Variants in DENND1A observed in about 807,000 individuals in gnomAD.
The protein encoded by DENND1A is DENN domain containing 1A.
DENND1A carries 51 observed loss-of-function variants against 113.7 expected under a neutral mutation model. That is an observed-to-expected ratio of 0.45 (90% CI 0.36 to 0.57). DENND1A has a LOEUF of 0.57. DENND1A is among the 20% of genes least tolerant of loss of function. DENND1A has a pLI of 0.00. For missense variants in DENND1A, 1,258 were observed against 1,395.9 expected (o/e 0.90, Z 1.57); for synonymous variants, 565 against 570.8 (o/e 0.99, Z 0.14).
In DENND1A at chr9:123,422,645, T is replaced by G. The variant is rs1256062682; in HGVS notation, c.1489-10816A>C. ...CAGCAGAGTTTAAAATCCTAGCTAATAGGTTAACAACTGTTTTTCTTCAGC... is the reference window on the plus strand; with the variant it reads ...CAGCAGAGTTTAAAATCCTAGCTAAGAGGTTAACAACTGTTTTTCTTCAGC... On this transcript the variant is annotated intron_variant, in intron 19 of 23. Coordinates refer to ENST00000394215, the MANE Select transcript of DENND1A (RefSeq NM_001352964.2). The surrounding 1 kb of genome is among the most constrained non-coding windows in gnomAD (Gnocchi z 4.8). Among the ~76,000 whole-genome samples, 1 of 152,144 alleles carries G rather than the reference T, an allele frequency of 6.6e-6. No homozygotes were observed. Among genetic ancestry groups the G allele is most frequent in the East Asian group, 1.9e-4 (1 of 5,200 alleles).
chr9:123,514,667 C>T (rs1376524882), intron 13 of DENND1A, among the ~76,000 whole-genome samples: 1 of 152,130 alleles, frequency 6.6e-6, no homozygotes, highest in Non-Finnish European at 1.5e-5. Flanking sequence ...AGAATAATTC[C>T]TATGTTGGAC....
At chr9:123,409,741 G>A (rs1163058419) in intron 20 of DENND1A, among the ~76,000 whole-genome samples, 1 of 152,110 alleles carries the variant, frequency 6.6e-6, no homozygotes, top group Non-Finnish European at 1.5e-5. Context: ...GCAAGTGATG[G>A]TTATTAATAA....
intron 13 of DENND1A, among the ~76,000 whole-genome samples, chr9:123,482,219 T>A (rs1333862834): frequency 1.3e-5 from 2 of 152,196 alleles, no homozygotes; most frequent in Non-Finnish European, 2.9e-5. Flanking sequence ...TGCCTCAGCC[T>A]CCCAAGTAGC....
chr9:123,403,694 A>G (rs924161107), intron 20 of DENND1A: 7 of 577,582 alleles, frequency 1.2e-5, no homozygotes, highest in Admixed American at 2.9e-5. Flanking sequence ...TCTGTGGCCT[A>G]TTCAAATCAG....
intron 19 of DENND1A, among the ~76,000 whole-genome samples, chr9:123,436,536 A>T (rs1407568281): frequency 6.6e-6 from 1 of 152,190 alleles, no homozygotes; most frequent in Non-Finnish European, 1.5e-5. Flanking sequence ...GAGAAGGGGA[A>T]AACAGTAATT....
intron 11 of DENND1A, among the ~76,000 whole-genome samples, chr9:123,599,272 T>C (rs2059838469): frequency 6.6e-6 from 1 of 152,252 alleles, no homozygotes; most frequent in African/African-American, 2.4e-5. Context: ...TCAAACAATA[T>C]GTAAAGAGAG....
chr9:123,927,403 AC>A (rs1353411997), intron 1 of DENND1A, among the ~76,000 whole-genome samples: 6 of 152,100 alleles, frequency 3.9e-5, no homozygotes, highest in South Asian at 2.1e-4. Flanking sequence ...CCTTAAACAT[AC>A]CTTTCTCTGA....
intron 13 of DENND1A, among the ~76,000 whole-genome samples, chr9:123,509,014 C>T (rs150101479): frequency 2.6e-5 from 4 of 151,962 alleles, no homozygotes; most frequent in East Asian, 1.9e-4. Context: ...TAGAAGGCAC[C>T]GTGAAGGAAT....
chr9:123,802,741 T>C (rs1337652472), intron 2 of DENND1A, among the ~76,000 whole-genome samples: 2 of 152,098 alleles, frequency 1.3e-5, no homozygotes, highest in African/African-American at 4.8e-5. Context: ...TCACGCTTGT[T>C]GCCCAGGCTG....
At chr9:123,910,587 A>AG (rs1188462542) in intron 1 of DENND1A, among the ~76,000 whole-genome samples, 5 of 152,234 alleles carry the variant, frequency 3.3e-5, no homozygotes, top group African/African-American at 1.2e-4. Context: ...GAACACATCA[A>AG]AAAGTAAAGA....
chr9:123,481,857 G>A (rs1359159058), intron 13 of DENND1A, among the ~76,000 whole-genome samples: 48 of 149,390 alleles, frequency 3.2e-4, no homozygotes, highest in Non-Finnish European at 6.1e-4. Context: ...GTGCAGTGGC[G>A]TGATCTCTGC....
intron 21 of DENND1A, among the ~76,000 whole-genome samples, chr9:123,402,141 C>T (rs2043521295): frequency 6.6e-6 from 1 of 152,234 alleles, no homozygotes. Context: ...ATGTTCCCAC[C>T]AGGCTATTGT....
intron 13 of DENND1A, among the ~76,000 whole-genome samples, chr9:123,537,722 CTT>C (rs140606479): frequency 0.022 from 3,393 of 151,504 alleles, 45 homozygotes; most frequent in Non-Finnish European, 0.037. Context: ...TTATCATTAA[CTT>C]TGACAGCAAC....
At chr9:123,413,284 G>C in intron 19 of DENND1A, 1 of 462,058 alleles carries the variant, frequency 2.2e-6, no homozygotes, top group Non-Finnish European at 2.8e-6. Flanking sequence ...TTTTTAGATT[G>C]ATTACATGTT....
At chr9:123,893,061 G>A (rs2133791896) in intron 1 of DENND1A, among the ~76,000 whole-genome samples, 1 of 152,090 alleles carries the variant, frequency 6.6e-6, no homozygotes, top group Admixed American at 6.5e-5. Flanking sequence ...TCTGGGCATG[G>A]TGGCTCATGG....
intron 13 of DENND1A, among the ~76,000 whole-genome samples, chr9:123,524,105 C>A (rs182163866): frequency 6.6e-6 from 1 of 152,302 alleles, no homozygotes; most frequent in East Asian, 1.9e-4. Flanking sequence ...TGCCTTGGTA[C>A]TGAATGCCAG....
intron 5 of DENND1A, among the ~76,000 whole-genome samples, chr9:123,708,384 A>G (rs2066366603): frequency 6.6e-6 from 1 of 152,186 alleles, no homozygotes; most frequent in South Asian, 2.1e-4. Context: ...AACCTGCATT[A>G]TACCTATATT....
rs2045348676 is a variant in DENND1A at position 123,422,021 on chromosome 9, G to A, written c.1489-10192C>T. ...CCTGATGGATCCCTGCATCCCTCACGACTCTGTTCCCTTCCCCCAGAAGTT... is the reference window on the plus strand; with the variant it reads ...CCTGATGGATCCCTGCATCCCTCACAACTCTGTTCCCTTCCCCCAGAAGTT... On this transcript the variant is annotated intron_variant, in intron 19 of 23. Coordinates refer to ENST00000394215, the MANE Select transcript of DENND1A (RefSeq NM_001352964.2). The surrounding 1 kb of genome is among the most constrained non-coding windows in gnomAD (Gnocchi z 4.8). Among the ~76,000 whole-genome samples the A allele has an allele frequency of 6.6e-6, 1 of 152,052 alleles. No homozygotes were observed. The highest frequency in any genetic ancestry group is 2.1e-4 in the South Asian group (1 of 4,818).
chr9:123,615,161 T>C (rs2060590183), intron 10 of DENND1A, among the ~76,000 whole-genome samples: 1 of 152,206 alleles, frequency 6.6e-6, no homozygotes, highest in African/African-American at 2.4e-5. Context: ...CAGCCACCAC[T>C]GACTGCAAAT....
Sources: allele counts gnomAD v4.1 joint callset (sites outside exome capture counted in the v4.1 genomes callset), GRCh38; gene constraint gnomAD v4.1.1; non-coding constraint Gnocchi (gnomAD v3.1); transcripts MANE v1.5; gene names NCBI Gene and HGNC (gene_info 2026-07-23, HGNC 2026-07-21).